The following SYT12 variants were observed in gnomAD, a reference collection of about 807,000 sequenced individuals.
SYT12 encodes synaptotagmin-12.
A neutral mutation model predicts 39.5 loss-of-function variants in SYT12; 27 were observed. The observed-to-expected ratio is 0.68, with a 90% CI of 0.50 to 0.94. SYT12 has a LOEUF of 0.94. Among genes scored for constraint, SYT12 ranks in the 40% least tolerant of loss-of-function variants. The pLI is 0.00. For synonymous variants in SYT12, 233 were observed against 239.7 expected (o/e 0.97, Z 0.26); for missense variants, 536 against 572.6 (o/e 0.94, Z 0.65).
chr11:67,022,664 C>T (rs1950123640), upstream of SYT12: 1 of 152,292 alleles, frequency 6.6e-6, no homozygotes, highest in Admixed American at 6.5e-5. Context: ...GGGTTCAATT[C>T]TGGCTCTGAC....
intron 3 of SYT12, among the ~76,000 whole-genome samples, chr11:67,039,420 G>A (rs1950454307): frequency 6.6e-6 from 1 of 152,084 alleles, no homozygotes. Flanking sequence ...TTCGAGACTA[G>A]CCTGACCAAC....
intron 3 of SYT12, among the ~76,000 whole-genome samples, chr11:67,015,583 G>A (rs1228298957): frequency 2.6e-5 from 4 of 152,138 alleles, no homozygotes; most frequent in African/African-American, 7.2e-5. Context: ...AGGACTGGTG[G>A]GCTGCACATG....
chr11:67,009,431 A>G (rs1949995908), intron 1 of SYT12, among the ~76,000 whole-genome samples: 2 of 152,044 alleles, frequency 1.3e-5, no homozygotes, highest in South Asian at 4.2e-4. Flanking sequence ...AGCTAGGACT[A>G]CAGGTATGTG....
chr11:67,045,643 G>A, intron 6 of SYT12, 101 bp from the exon 7 acceptor site: 1 of 1,497,824 alleles, frequency 6.7e-7, no homozygotes, highest in Non-Finnish European at 9.0e-7. Flanking sequence ...CACAGCAACA[G>A]TTAAGCATTG....
At chr11:67,037,253 A>T (rs1950400189) in intron 3 of SYT12, among the ~76,000 whole-genome samples, 1 of 151,944 alleles carries the variant, frequency 6.6e-6, no homozygotes, top group Non-Finnish European at 1.5e-5. Flanking sequence ...AAAACAAAAA[A>T]CCTTCAAGGG....
intron 4 of SYT12, among the ~76,000 whole-genome samples, chr11:67,041,235 G>A (rs1353319755): frequency 1.3e-5 from 2 of 152,064 alleles, no homozygotes; most frequent in Non-Finnish European, 2.9e-5. Flanking sequence ...CCCTTTGGAG[G>A]CTGAGGCAGG....
chr11:67,036,240 G>T (rs914847878), intron 3 of SYT12, among the ~76,000 whole-genome samples: 2 of 152,070 alleles, frequency 1.3e-5, no homozygotes, highest in African/African-American at 4.8e-5. Flanking sequence ...CTCCCTTGTA[G>T]CTGAAGCATT....
At chr11:67,041,253 C>T (rs1950507912) in intron 4 of SYT12, among the ~76,000 whole-genome samples, 1 of 151,992 alleles carries the variant, frequency 6.6e-6, no homozygotes. Flanking sequence ...AGGTGGATCA[C>T]CTGAGGTCAG....
intron 4 of SYT12, 66 bp downstream of exon 4, chr11:67,040,269 T>A (rs1950484825): frequency 6.6e-7 from 1 of 1,519,798 alleles, no homozygotes; most frequent in African/African-American, 1.4e-5. Flanking sequence ...CAGGCAGGCA[T>A]GGCGGTGGGG....
At chr11:67,036,989 C>G (rs11227660) in intron 3 of SYT12, among the ~76,000 whole-genome samples, 4,258 of 152,302 alleles carry the variant, frequency 0.028, 187 homozygotes, top group African/African-American at 0.091. Flanking sequence ...AGGAGAATTG[C>G]TTGAACCCAG....
rs750441279 is a variant in SYT12, at chr11:67,040,106, A to G, written c.524A>G (p.Gln175Arg). 1.2e-6 allele frequency: 2 copies of G among 1,613,562 alleles called. No individual in the cohort carries two copies. Among genetic ancestry groups the G allele is most frequent in the Non-Finnish European group, 1.7e-6 (2 of 1,179,854 alleles). ...CACACGCTGAACGTGGCGGTGATGC[A>G]GGGCAAGGACCTCCTGGAGCGGGAG... ...ASHTLNVAVM[Q>R]GKDLLEREEA... is the part of the protein sequence containing the mutation. The change falls in exon 4 of 8, where the codon CAG becomes CGG. Residue 175 changes from glutamine (Q) to arginine (R), a missense_variant. Physicochemically the swap from Gln to Arg is conservative, Grantham distance 43 (BLOSUM62 1). Transcript: ENST00000527043.
rs1854730925 is a variant in SYT12 at position 67,050,839 on chromosome 11, A to C, written c.*2082A>C. 6.6e-6 allele frequency: 1 copy of C among 152,240 alleles called. No homozygotes were observed. Among genetic ancestry groups the C allele is most frequent in the African/African-American group, 2.4e-5 (1 of 41,438 alleles). The allele number at this position is 152,240 out of a possible 1,614,324, so 9.4% of individuals were successfully genotyped here. A position where few individuals can be genotyped will look rare whatever the true frequency, so the allele number is the denominator to read the frequency against. ...TCCAGGGAGCCCTGCTCGGCCCTGA[A>C]TCACCTTCGTCTCTTCTCTAGGAAT... On this transcript the variant is annotated 3_prime_UTR_variant, in exon 8 of 8. Transcript: ENST00000527043.
At chr11:67,015,784 T>G (rs559382762) in intron 3 of SYT12, among the ~76,000 whole-genome samples, 1 of 152,230 alleles carries the variant, frequency 6.6e-6, no homozygotes, top group East Asian at 1.9e-4. Context: ...GGGATCTTCG[T>G]AAAGCTCCTT....
At chr11:67,007,949 C>G (rs993635248) in intron 1 of SYT12, among the ~76,000 whole-genome samples, 1 of 151,042 alleles carries the variant, frequency 6.6e-6, no homozygotes, top group Non-Finnish European at 1.5e-5. Context: ...CCTGAGGAAG[C>G]CCTAACTTTT....
chr11:67,023,310 C>G lies in SYT12; in HGVS notation c.-174C>G, dbSNP rs1009162822. On this transcript the variant is annotated 5_prime_UTR_variant, in exon 1 of 8. Transcript: ENST00000527043. ...CCCCGGCCCGGCCGAGCCCCCGGCC[C>G]GCGCCGCGCTCCTCGGAGGCGGGAG... 1 of 148,190 alleles carries G rather than the reference C, an allele frequency of 6.7e-6. No homozygotes were observed. The highest frequency in any genetic ancestry group is 1.5e-5 in the Non-Finnish European group (1 of 66,434). 9.2% of individuals were successfully genotyped at this position (148,190 alleles called of 1,614,324 possible).
At chr11:67,029,453 A>G (rs1293762245) in intron 1 of SYT12, 2 of 152,244 alleles carry the variant, frequency 1.3e-5, no homozygotes, top group Non-Finnish European at 2.9e-5. Flanking sequence ...GATTTGGCAA[A>G]TACAAAAACA....
Position 67,044,603 on chromosome 11 carries a change from C to G in SYT12, c.848C>G (p.Ala283Gly), listed in dbSNP as rs554557798. The G allele has an allele frequency of 6.2e-7, 1 of 1,612,974 alleles. No homozygotes were observed. Among genetic ancestry groups the G allele is most frequent in the Admixed American group, 1.7e-5 (1 of 59,976 alleles). ...CTGTCTGTCCCCCAGGCCGCCGATGCTGTGGGGGAGATCCTGCTCTCCCTC... is the reference window on the plus strand; with the variant it reads ...CTGTCTGTCCCCCAGGCCGCCGATGGTGTGGGGGAGATCCTGCTCTCCCTC... ...YLQDQNKAAD[A>G]VGEILLSLSY... Residue 283 changes from alanine (A) to glycine (G), a missense_variant, in exon 6 of 8, where the codon GCT becomes GGT. By Grantham distance (60) the Ala-to-Gly change is moderately conservative. Transcript: ENST00000527043.
chr11:67,014,911 G>A (rs970076451), intron 3 of SYT12, among the ~76,000 whole-genome samples: 2 of 152,014 alleles, frequency 1.3e-5, no homozygotes, highest in Non-Finnish European at 2.9e-5. Context: ...GTATATGCAG[G>A]GTGGCTGGAA....
Position 67,048,819 on chromosome 11 carries a change from C to A in SYT12, c.*62C>A. ...GAGCCCGGTACCCACTCAGCTCTGT[C>A]TGATGCCCTCTCCATAGCCCAGCTG... On this transcript the variant is annotated 3_prime_UTR_variant, in exon 8 of 8. Transcript: ENST00000527043. 1 of 1,540,088 alleles carries A rather than the reference C, an allele frequency of 6.5e-7. No individual in the cohort carries two copies. The highest frequency in any genetic ancestry group is 1.2e-5 in the South Asian group (1 of 85,146).
Sources: gnomAD v4.1 joint callset for allele counts (sites outside exome capture counted in the v4.1 genomes callset) on GRCh38, gnomAD v4.1.1 for gene constraint, MANE v1.5 for transcripts, NCBI Gene and HGNC (gene_info 2026-07-23, HGNC 2026-07-21) for gene names.